Variants in TRAPPC9 observed in about 807,000 individuals in gnomAD.
TRAPPC9 encodes IKK2 binding protein.
Under a neutral mutation model 124.0 loss-of-function variants are expected in TRAPPC9, and 83 were observed. The observed-to-expected ratio is 0.67, with a 90% CI of 0.56 to 0.80. The LOEUF (loss-of-function observed/expected upper bound fraction) is 0.80. Among genes scored for constraint, TRAPPC9 ranks in the 30% least tolerant of loss-of-function variants. TRAPPC9 has a pLI of 0.00. For synonymous variants in TRAPPC9, 638 were observed against 617.5 expected (o/e 1.03, Z -0.49); for missense variants, 1,302 against 1,508.3 (o/e 0.86, Z 2.27).
chr8:140,255,106 T>A (rs1201473083), intron 15 of TRAPPC9, among the ~76,000 whole-genome samples: 1 of 152,254 alleles, frequency 6.6e-6, no homozygotes, highest in Non-Finnish European at 1.5e-5. Flanking sequence ...CTGGAGCACG[T>A]CTGACAGACG....
chr8:140,406,991 T>C (rs2069516534), intron 5 of TRAPPC9, among the ~76,000 whole-genome samples: 1 of 152,210 alleles, frequency 6.6e-6, no homozygotes, highest in South Asian at 2.1e-4. Context: ...CAGGCACCCC[T>C]TCGAGCAGTG....
Position 140,401,713 on chromosome 8 carries a change from T to G in TRAPPC9, c.1008+3864A>C, listed in dbSNP as rs148062159. On this transcript the variant is annotated intron_variant, in intron 6 of 22. Coordinates refer to ENST00000438773, the MANE Select transcript of TRAPPC9 (RefSeq NM_001160372.4). The stretch of plus-strand genomic sequence containing the variant: ...ATCACAGCTCATCGTAGCCTCAATC[T>G]CCCAGGCTCAGGTGATCCTCCCACT... 4.0e-3 allele frequency among the ~76,000 whole-genome samples: 616 copies of G among 152,178 alleles called. 4 individuals are homozygous for G. The highest frequency in any genetic ancestry group is 5.9e-3 in the Admixed American group (90 of 15,276).
intron 21 of TRAPPC9, among the ~76,000 whole-genome samples, chr8:139,755,595 C>G (rs71514651): frequency 8.7e-6 from 1 of 114,912 alleles, no homozygotes; most frequent in Non-Finnish European, 1.7e-5. Context: ...GACAGCAGGT[C>G]GCAGGAGGAG....
At chr8:140,410,173 G>A (rs559407046) in intron 5 of TRAPPC9, among the ~76,000 whole-genome samples, 1,862 of 147,740 alleles carry the variant, frequency 0.013, 28 homozygotes, top group Non-Finnish European at 0.022. Context: ...AAAAAAATAG[G>A]AGAGGAAGTG....
intron 17 of TRAPPC9, among the ~76,000 whole-genome samples, chr8:140,033,498 C>T (rs568071299): frequency 2.2e-4 from 33 of 150,338 alleles, no homozygotes; most frequent in African/African-American, 6.6e-4. Context: ...AAAGAGATCT[C>T]GGAGAAGCCA....
rs543449285 is a variant in TRAPPC9, at chr8:140,387,609, C to G, written c.1134+10011G>C. Among the ~76,000 whole-genome samples, 31 of 152,186 alleles carry G rather than the reference C, an allele frequency of 2.0e-4. No homozygotes were observed. In the East Asian group the frequency reaches 4.1e-3, roughly 20 times the overall value. On this transcript the variant is annotated intron_variant, in intron 7 of 22. Coordinates refer to ENST00000438773, the MANE Select transcript of TRAPPC9 (RefSeq NM_001160372.4). Reference sequence around the variant, plus strand: ...CAAAAGAAGACATTTATGCAGCCAACAGACACATGAAAAAATGCTCATCAT... The same window carrying G: ...CAAAAGAAGACATTTATGCAGCCAAGAGACACATGAAAAAATGCTCATCAT...
At chr8:139,932,112 G>A (rs540130550) in intron 19 of TRAPPC9, 12 of 356,064 alleles carry the variant, frequency 3.4e-5, no homozygotes, top group South Asian at 1.0e-4. Flanking sequence ...GTTGATGTGC[G>A]GCTGAGGGCG....
At chr8:140,443,407 G>C (rs2071117122) in intron 2 of TRAPPC9, among the ~76,000 whole-genome samples, 1 of 151,756 alleles carries the variant, frequency 6.6e-6, no homozygotes, top group South Asian at 2.1e-4. Context: ...CTGCACTCCA[G>C]CGTGGGCGAC....
intron 19 of TRAPPC9, among the ~76,000 whole-genome samples, chr8:139,966,719 C>T (rs548017834): frequency 6.6e-6 from 1 of 152,278 alleles, no homozygotes; most frequent in African/African-American, 2.4e-5. Context: ...GGGGTTGAGT[C>T]TAATAAGTGC....
intron 19 of TRAPPC9, among the ~76,000 whole-genome samples, chr8:139,958,509 G>A (rs1835145769): frequency 6.6e-6 from 1 of 152,164 alleles, no homozygotes; most frequent in East Asian, 1.9e-4. Flanking sequence ...TTACAGGAAG[G>A]CTGACTTCTC....
intron 19 of TRAPPC9, among the ~76,000 whole-genome samples, chr8:139,979,690 C>G (rs1381308318): frequency 6.6e-6 from 1 of 152,154 alleles, no homozygotes; most frequent in African/African-American, 2.4e-5. Context: ...CAAACCCCAT[C>G]CAAGAGACCC....
intron 17 of TRAPPC9, among the ~76,000 whole-genome samples, chr8:140,033,633 T>C (rs1047599398): frequency 2.1e-5 from 3 of 146,040 alleles, no homozygotes; most frequent in Non-Finnish European, 3.0e-5. Context: ...GTCAAATGCA[T>C]TGAAATGCAA....
intron 18 of TRAPPC9, among the ~76,000 whole-genome samples, chr8:139,995,804 C>T (rs1837925934): frequency 6.9e-6 from 1 of 145,960 alleles, no homozygotes; most frequent in Admixed American, 7.0e-5. Context: ...ATCCAAGAAG[C>T]ACCACAAATG....
intron 10 of TRAPPC9, among the ~76,000 whole-genome samples, chr8:140,309,029 C>T (rs991636379): frequency 2.0e-5 from 3 of 152,120 alleles, no homozygotes; most frequent in African/African-American, 7.2e-5. Context: ...ACACACTGCC[C>T]AGGAAAGGGA....
intron 17 of TRAPPC9, among the ~76,000 whole-genome samples, chr8:140,193,263 T>C (rs148355762): frequency 1.3e-4 from 20 of 152,328 alleles, no homozygotes; most frequent in African/African-American, 4.8e-4. Flanking sequence ...ACTGGAGATA[T>C]TGGCTATTTC....
intron 21 of TRAPPC9, among the ~76,000 whole-genome samples, chr8:139,757,738 G>A (rs34350865): frequency 0.038 from 5,858 of 152,198 alleles, 147 homozygotes; most frequent in Non-Finnish European, 0.06. Context: ...CTGGTCTCTT[G>A]GGGCCTGGTG....
intron 19 of TRAPPC9, among the ~76,000 whole-genome samples, chr8:139,917,167 C>CTTTTTTTTTTTTTTTTTGTTTTT (rs1832196813): frequency 1.0e-5 from 1 of 99,926 alleles, no homozygotes; most frequent in Non-Finnish European, 1.8e-5. Flanking sequence ...TTATTATTTT[C>CTTTTTTTTTTTTTTTTTGTTTTT]TTTTTTTTTT....
intron 19 of TRAPPC9, among the ~76,000 whole-genome samples, chr8:139,945,909 ACACT>A (rs1375545536): frequency 6.6e-6 from 1 of 152,262 alleles, no homozygotes; most frequent in African/African-American, 2.4e-5. Context: ...ATAGTAATAG[ACACT>A]CAGTAAAGGA....
intron 21 of TRAPPC9, among the ~76,000 whole-genome samples, chr8:139,883,533 C>T (rs911900084): frequency 3.9e-5 from 6 of 152,220 alleles, no homozygotes; most frequent in Admixed American, 1.3e-4. Flanking sequence ...TGCTGAGAGG[C>T]GTCCTGGGGC....
Sources: allele counts gnomAD v4.1 joint callset (sites outside exome capture counted in the v4.1 genomes callset), GRCh38; gene constraint gnomAD v4.1.1; transcripts MANE v1.5; gene names NCBI Gene and HGNC (gene_info 2026-07-23, HGNC 2026-07-21).